PCDH9: variants seen among roughly 807,000 people sequenced by gnomAD.
PCDH9 encodes the protein protocadherin 9.
In PCDH9, 24 loss-of-function variants were observed where a neutral mutation model predicts 70.6. That is an observed-to-expected ratio of 0.34 (90% CI 0.25 to 0.48). The LOEUF (loss-of-function observed/expected upper bound fraction) is 0.48. PCDH9 is among the 20% of genes least tolerant of loss of function. PCDH9 has a pLI of 0.99. For synonymous variants in PCDH9, 562 were observed against 558.5 expected (o/e 1.01, Z -0.09); for missense variants, 1,281 against 1,503.6 (o/e 0.85, Z 2.45).
chr13:66,312,508 G>A (rs1403068945), intron 4 of PCDH9, among the ~76,000 whole-genome samples: 1 of 151,888 alleles, frequency 6.6e-6, no homozygotes, highest in Non-Finnish European at 1.5e-5. Context: ...TTACTCAGGG[G>A]AACTAAGGTG....
Position 66,839,831 on chromosome 13 carries a change from C to T in PCDH9, c.3138+63673G>A, listed in dbSNP as rs2081085870. On this transcript the variant is annotated intron_variant, in intron 3 of 4. Transcript: ENST00000377865. ...TATTTTTCACTGCCACCCTAGTCCT[C>T]ACATTCTCAGGGATTGCCTGGGGTT... Among the ~76,000 whole-genome samples the T allele has an allele frequency of 2.0e-5, 3 of 152,138 alleles. No homozygotes were observed. In the South Asian group the frequency reaches 6.2e-4, roughly 32 times the overall value.
intron 2 of PCDH9, among the ~76,000 whole-genome samples, chr13:67,022,799 G>GA (rs146748533): frequency 1.7e-3 from 251 of 150,944 alleles, no homozygotes; most frequent in East Asian, 0.012. Flanking sequence ...CTCCGTTAGA[G>GA]AAAAAAAAAG....
At chr13:66,555,046 G>A (rs1961666009) in intron 4 of PCDH9, among the ~76,000 whole-genome samples, 1 of 152,108 alleles carries the variant, frequency 6.6e-6, no homozygotes, top group Non-Finnish European at 1.5e-5. Context: ...GCACATGCCT[G>A]TAATCCCAGC....
chr13:66,338,846 G>T (rs1024877587), intron 4 of PCDH9, among the ~76,000 whole-genome samples: 1 of 150,926 alleles, frequency 6.6e-6, no homozygotes, highest in African/African-American at 2.4e-5. Flanking sequence ...GGCTTCCATT[G>T]CTTCTGCAGA....
At chr13:66,809,886 A>G (rs1055290463) in intron 3 of PCDH9, among the ~76,000 whole-genome samples, 1 of 152,210 alleles carries the variant, frequency 6.6e-6, no homozygotes, top group African/African-American at 2.4e-5. Flanking sequence ...TTATAAGAAT[A>G]TTCCATATAT....
chr13:66,496,740 T>C (rs1959124045), intron 4 of PCDH9, among the ~76,000 whole-genome samples: 1 of 152,204 alleles, frequency 6.6e-6, no homozygotes, highest in African/African-American at 2.4e-5. Flanking sequence ...TACTTGTCCC[T>C]TATTTAATAG....
At chr13:66,469,735 G>A (rs187927544) in intron 4 of PCDH9, among the ~76,000 whole-genome samples, 3 of 152,178 alleles carry the variant, frequency 2.0e-5, no homozygotes, top group African/African-American at 7.2e-5. Context: ...CCTCTTATTT[G>A]TACATAAAGC....
intron 4 of PCDH9, among the ~76,000 whole-genome samples, chr13:66,405,229 T>G (rs745716999): frequency 7.9e-5 from 12 of 152,216 alleles, no homozygotes; most frequent in Non-Finnish European, 1.6e-4. Flanking sequence ...TGCTTATCAC[T>G]TCTTCATTTC....
At position 66,730,876 on chromosome 13, in the gene PCDH9, G is replaced by GTTTTTTTTTTTTTTTTTTTTTTTTT. The variant is rs758928616; in HGVS notation, c.3139-99466_3139-99465insAAAAAAAAAAAAAAAAAAAAAAAAA. Reference sequence around the variant, plus strand: ...TGTTTTTGTTTTTTTGTGTGTGTGTGTTTTTTTTTTGTTTGTTTCTTTTTT... The same window carrying GTTTTTTTTTTTTTTTTTTTTTTTTT: ...TGTTTTTGTTTTTTTGTGTGTGTGTGTTTTTTTTTTTTTTTTTTTTTTTTTTTTTTTTTTTGTTTGTTTCTTTTTT... On this transcript the variant is annotated intron_variant, in intron 3 of 4. Coordinates refer to ENST00000377865, the MANE Select transcript of PCDH9 (RefSeq NM_203487.3). Among the ~76,000 whole-genome samples, 3 of 46,356 alleles carry GTTTTTTTTTTTTTTTTTTTTTTTTT rather than the reference G, an allele frequency of 6.5e-5. 1 individual carries two copies. Among genetic ancestry groups the GTTTTTTTTTTTTTTTTTTTTTTTTT allele is most frequent in the African/African-American group, 2.3e-4 (3 of 13,256 alleles). The allele number at this position is 46,356 out of a possible 152,430, so 30.4% of individuals were successfully genotyped here. A position where few individuals can be genotyped will look rare whatever the true frequency, so the allele number is the denominator to read the frequency against.
chr13:66,400,701 ATAAT>A (rs1158413089), intron 4 of PCDH9, among the ~76,000 whole-genome samples: 1 of 152,248 alleles, frequency 6.6e-6, no homozygotes, highest in Admixed American at 6.5e-5. Flanking sequence ...GGATGGAAAA[ATAAT>A]TGATTAAGTC....
intron 3 of PCDH9, among the ~76,000 whole-genome samples, chr13:66,780,122 G>T (rs997340815): frequency 1.2e-4 from 18 of 151,432 alleles, no homozygotes; most frequent in Non-Finnish European, 2.7e-4. Flanking sequence ...ACAAGAAAGG[G>T]GTATCTATGT....
chr13:66,588,189 T>C (rs1290001121), intron 4 of PCDH9, among the ~76,000 whole-genome samples: 1 of 151,920 alleles, frequency 6.6e-6, no homozygotes, highest in African/African-American at 2.4e-5. Flanking sequence ...ATCTCCTACA[T>C]GCCACTCTTG....
At chr13:66,627,444 C>G (rs757637148) in intron 4 of PCDH9, among the ~76,000 whole-genome samples, 25 of 152,106 alleles carry the variant, frequency 1.6e-4, no homozygotes, top group Non-Finnish European at 3.4e-4. Flanking sequence ...TAATTCTATC[C>G]TAATATGAAT....
chr13:67,036,739 G>A (rs2085016923), intron 2 of PCDH9, among the ~76,000 whole-genome samples: 1 of 152,138 alleles, frequency 6.6e-6, no homozygotes, highest in Admixed American at 6.6e-5. Context: ...GCAGACAGCA[G>A]GGTTTATATG....
chr13:66,656,645 G>A (rs768674712), intron 3 of PCDH9, among the ~76,000 whole-genome samples: 61 of 151,966 alleles, frequency 4.0e-4, no homozygotes, highest in Non-Finnish European at 7.4e-4. Context: ...TGGGGTGGGG[G>A]GGCGGTTAAA....
intron 2 of PCDH9, among the ~76,000 whole-genome samples, chr13:67,087,202 T>C (rs9592498): frequency 4.0e-5 from 6 of 151,832 alleles, no homozygotes; most frequent in South Asian, 2.1e-4. Flanking sequence ...TAAGGTCCTT[T>C]ACTACTGTAT....
intron 3 of PCDH9, among the ~76,000 whole-genome samples, chr13:66,717,647 A>G (rs538916080): frequency 6.6e-6 from 1 of 151,828 alleles, no homozygotes; most frequent in South Asian, 2.1e-4. Flanking sequence ...CGCCTTTAAC[A>G]TTGCCTTTAG....
rs1414609738 is a variant in PCDH9 at position 66,542,102 on chromosome 13, C to G, written c.3340+89108G>C. Among the ~76,000 whole-genome samples, 8 of 152,022 alleles carry G rather than the reference C, an allele frequency of 5.3e-5. 1 individual carries two copies. Reference sequence around the variant, plus strand: ...GCAGATGAGAAGCCTTTAAAGGAGACAATGTGAATATTTTTGGTGGGTTTA... The same window carrying G: ...GCAGATGAGAAGCCTTTAAAGGAGAGAATGTGAATATTTTTGGTGGGTTTA... On this transcript the variant is annotated intron_variant, in intron 4 of 4. Transcript: ENST00000377865.
chr13:66,318,130 T>A (rs1312820772), intron 4 of PCDH9, among the ~76,000 whole-genome samples: 2 of 152,182 alleles, frequency 1.3e-5, no homozygotes, highest in African/African-American at 4.8e-5. Context: ...CTAAAATGTA[T>A]GTTTATCTCT....
Sources: gnomAD v4.1 joint callset for allele counts (sites outside exome capture counted in the v4.1 genomes callset) on GRCh38, gnomAD v4.1.1 for gene constraint, MANE v1.5 for transcripts, NCBI Gene and HGNC (gene_info 2026-07-23, HGNC 2026-07-21) for gene names.